The following PRKN variants were observed in gnomAD, a reference collection of about 807,000 sequenced individuals.
PRKN encodes parkin RBR E3 ubiquitin protein ligase.
Under a neutral mutation model 59.5 loss-of-function variants are expected in PRKN, and 56 were observed. The ratio of observed to expected loss-of-function variants is 0.94; its 90% CI spans 0.76 to 1.18. The LOEUF (loss-of-function observed/expected upper bound fraction) is 1.18, where lower values mean the gene tolerates loss of function less well. Among genes scored for constraint, PRKN ranks in the 50% most tolerant of loss-of-function variants. The pLI is 0.00. For missense variants in PRKN, 657 were observed against 596.4 expected, an observed-to-expected ratio of 1.10 and a Z score of -1.06; for synonymous variants, 250 against 222.1, an observed-to-expected ratio of 1.13 and a Z score of -1.12.
At position 162,340,531 on chromosome 6, in the gene PRKN, T is replaced by TA. The variant is rs1240958585; in HGVS notation, c.172-77767dup. Among the ~76,000 whole-genome samples the TA allele has an allele frequency of 4.6e-5, 7 of 152,068 alleles. 1 individual carries two copies. Among genetic ancestry groups the TA allele is most frequent in the African/African-American group, 1.7e-4 (7 of 41,406 alleles). ...TAGTTCTGTGGTACAAAATCACTTG[T>TA]AAAAAATCTCCTGGTGTCAAAACAG... On this transcript the variant is annotated intron_variant, in intron 2 of 11. Transcript: ENST00000366898.
At chr6:162,207,548 C>A (rs1415582214) in intron 3 of PRKN, among the ~76,000 whole-genome samples, 1 of 152,152 alleles carries the variant, frequency 6.6e-6, no homozygotes, top group Non-Finnish European at 1.5e-5. Context: ...CCAACCGATT[C>A]ACTTGACCGT....
chr6:161,645,253 A>G (rs1223048588), intron 7 of PRKN, among the ~76,000 whole-genome samples: 2 of 152,200 alleles, frequency 1.3e-5, no homozygotes, highest in Non-Finnish European at 2.9e-5. Flanking sequence ...CAAAAAAAAA[A>G]AAAAATGAAT....
intron 6 of PRKN, among the ~76,000 whole-genome samples, chr6:161,788,521 T>C (rs1010393583): frequency 6.6e-6 from 1 of 152,202 alleles, no homozygotes; most frequent in Admixed American, 6.5e-5. Context: ...GGAAGAGTCC[T>C]ACTGAAAACT....
At chr6:162,598,369 G>T (rs1781567721) in intron 1 of PRKN, among the ~76,000 whole-genome samples, 1 of 152,178 alleles carries the variant, frequency 6.6e-6, no homozygotes, top group Middle Eastern at 3.4e-3. Flanking sequence ...TTTGATCTGA[G>T]GGTCTAGTAC....
At chr6:161,783,686 CCAAAA>C in intron 7 of PRKN, 1 of 506,736 alleles carries the variant, frequency 2.0e-6, no homozygotes, top group Non-Finnish European at 3.9e-6. Context: ...AGAAGGCTTA[CCAAAA>C]CAAAATTGTC....
chr6:162,049,158 T>C (rs1001243978), intron 5 of PRKN, among the ~76,000 whole-genome samples: 39 of 152,112 alleles, frequency 2.6e-4, no homozygotes, highest in African/African-American at 7.5e-4. Flanking sequence ...AACTATCTAC[T>C]AAGATTATCT....
chr6:162,086,457 A>C (rs1204734471), intron 4 of PRKN, among the ~76,000 whole-genome samples: 3 of 151,364 alleles, frequency 2.0e-5, no homozygotes, highest in Non-Finnish European at 2.9e-5. Flanking sequence ...AGAGAGGAAG[A>C]GATGGAGGAG....
intron 1 of PRKN, among the ~76,000 whole-genome samples, chr6:162,462,969 C>T (rs115671448): frequency 0.017 from 2,514 of 152,112 alleles, 75 homozygotes; most frequent in African/African-American, 0.058. Context: ...TAGTGGGCGA[C>T]TGAAAGCCCA....
intron 9 of PRKN, among the ~76,000 whole-genome samples, chr6:161,513,955 C>T (rs1043579755): frequency 2.6e-5 from 4 of 152,162 alleles, no homozygotes; most frequent in African/African-American, 7.2e-5. Context: ...AACGTGCCAG[C>T]ATTTTGGGAA....
chr6:162,042,277 T>C (rs555317447), intron 5 of PRKN, among the ~76,000 whole-genome samples: 4 of 152,188 alleles, frequency 2.6e-5, no homozygotes, highest in African/African-American at 9.6e-5. Context: ...ATGCACTGAC[T>C]ATGGTTCATG....
At chr6:162,500,971 G>A (rs6918583) in intron 1 of PRKN, among the ~76,000 whole-genome samples, 77,276 of 151,910 alleles carry the variant, frequency 0.51, 19,711 homozygotes, top group Middle Eastern at 0.58. Flanking sequence ...TTTGAGAACA[G>A]CTTGGGCAAT....
intron 1 of PRKN, among the ~76,000 whole-genome samples, chr6:162,510,223 A>C (rs1341485344): frequency 6.6e-6 from 1 of 152,262 alleles, no homozygotes; most frequent in African/African-American, 2.4e-5. Flanking sequence ...AGAGTGGTCC[A>C]AAGCAGTTAG....
intron 7 of PRKN, among the ~76,000 whole-genome samples, chr6:161,719,873 C>A (rs977453546): frequency 6.6e-6 from 1 of 152,228 alleles, no homozygotes; most frequent in African/African-American, 2.4e-5. Context: ...CTCAAGCGAT[C>A]CTCCAGCCTT....
rs1784667663 is a variant in PRKN at position 161,354,168 on chromosome 6, T to C, written c.1286-3957A>G. 6.6e-6 allele frequency among the ~76,000 whole-genome samples: 1 copy of C among 152,172 alleles called. No individual in the cohort carries two copies. The highest frequency in any genetic ancestry group is 2.1e-4 in the South Asian group (1 of 4,834). On this transcript the variant is annotated intron_variant, in intron 11 of 11. Transcript: ENST00000366898. The surrounding 1 kb of genome is among the most constrained non-coding windows in gnomAD (Gnocchi z 6.7). Reference sequence around the variant, plus strand: ...CACGTCATTAGCTTTCTTTTCTCCCTAGGGCTTAATATACACAAGGCCATA... The same window carrying C: ...CACGTCATTAGCTTTCTTTTCTCCCCAGGGCTTAATATACACAAGGCCATA...
rs541652454 is a variant in PRKN, at chr6:161,490,921, G to A, written c.1083+57933C>T. ...CCCTCTCTCTCTTCCCCCTGCTCCCGCCATATGAGATGCCTGCTCCCCTTT... is the reference window on the plus strand; with the variant it reads ...CCCTCTCTCTCTTCCCCCTGCTCCCACCATATGAGATGCCTGCTCCCCTTT... On this transcript the variant is annotated intron_variant, in intron 9 of 11. Coordinates refer to ENST00000366898, the MANE Select transcript of PRKN (RefSeq NM_004562.3). Among the ~76,000 whole-genome samples, 161 of 152,052 alleles carry A rather than the reference G, an allele frequency of 1.1e-3. 1 individual carries two copies. The highest frequency in any genetic ancestry group is 6.3e-4 in the South Asian group (3 of 4,796).
intron 6 of PRKN, among the ~76,000 whole-genome samples, chr6:161,851,470 C>G (rs1411477488): frequency 6.6e-6 from 1 of 151,972 alleles, no homozygotes; most frequent in East Asian, 2.0e-4. Context: ...ATATTATGCA[C>G]AAATAATGTG....
intron 2 of PRKN, among the ~76,000 whole-genome samples, chr6:162,281,857 C>T (rs1298175967): frequency 6.6e-6 from 1 of 152,090 alleles, no homozygotes; most frequent in African/African-American, 2.4e-5. Context: ...TTGTGGAAGA[C>T]AATATTTCCA....
At chr6:162,720,951 A>G (rs2128240632) in intron 1 of PRKN, among the ~76,000 whole-genome samples, 1 of 152,354 alleles carries the variant, frequency 6.6e-6, no homozygotes, top group South Asian at 2.1e-4. Flanking sequence ...TTTTTGGAAT[A>G]CAAATAAAGC....
intron 3 of PRKN, among the ~76,000 whole-genome samples, chr6:162,211,507 T>A (rs1444563627): frequency 6.6e-6 from 1 of 152,146 alleles, no homozygotes; most frequent in Non-Finnish European, 1.5e-5. Flanking sequence ...TCTTGCTATT[T>A]AAAAAATAAT....
Sources: allele counts gnomAD v4.1 joint callset (sites outside exome capture counted in the v4.1 genomes callset), GRCh38; gene constraint gnomAD v4.1.1; non-coding constraint Gnocchi (gnomAD v3.1); transcripts MANE v1.5; gene names NCBI Gene and HGNC (gene_info 2026-07-23, HGNC 2026-07-21).